SAMMSON: variants seen among roughly 807,000 people sequenced by gnomAD.
SAMMSON encodes the protein long intergenic non-protein coding RNA 1212.
At chr3:70,211,639 CCCTTTG>C (rs1417305745) in intron 4 of SAMMSON, among the ~76,000 whole-genome samples, 1 of 117,224 alleles carries the variant, frequency 8.5e-6, no homozygotes, top group African/African-American at 3.2e-5. Context: ...CCCTTCCCTT[CCCTTTG>C]CCTTTCCCTT....
At chr3:70,142,174 T>A (rs2067530186) in intron 4 of SAMMSON, among the ~76,000 whole-genome samples, 2 of 152,146 alleles carry the variant, frequency 1.3e-5, no homozygotes, top group East Asian at 3.8e-4. Context: ...GCTATCCCAC[T>A]GCTGGGTATC....
chr3:70,363,969 T>A (rs762430451), intron 9 of SAMMSON, among the ~76,000 whole-genome samples: 3 of 151,922 alleles, frequency 2.0e-5, no homozygotes, highest in Non-Finnish European at 4.4e-5. Flanking sequence ...TTAGTTGAGT[T>A]ATGGACTCTT....
intron 2 of SAMMSON, among the ~76,000 whole-genome samples, chr3:70,421,552 G>A (rs935302315): frequency 1.3e-5 from 2 of 152,000 alleles, no homozygotes; most frequent in African/African-American, 2.4e-5. Flanking sequence ...ATCAGAAATC[G>A]AGCTGTGGGG....
intron 3 of SAMMSON, among the ~76,000 whole-genome samples, chr3:70,017,902 G>T (rs1005500676): frequency 3.9e-5 from 6 of 152,210 alleles, no homozygotes; most frequent in Admixed American, 2.6e-4. Context: ...ATTTGCATAT[G>T]TTGAACCAGC....
intron 4 of SAMMSON, among the ~76,000 whole-genome samples, chr3:70,157,150 T>C (rs1255761805): frequency 6.6e-6 from 1 of 152,150 alleles, no homozygotes; most frequent in East Asian, 1.9e-4. Context: ...TAAAGGACTT[T>C]TACTTTTTCC....
intron 3 of SAMMSON, among the ~76,000 whole-genome samples, chr3:70,027,075 A>G (rs946569920): frequency 9.2e-5 from 14 of 151,912 alleles, no homozygotes; most frequent in Non-Finnish European, 1.3e-4. Context: ...TGCAGATCAC[A>G]CTCCTGTTCA....
intron 6 of SAMMSON, among the ~76,000 whole-genome samples, chr3:70,282,061 A>T (rs1702089752): frequency 1.3e-5 from 2 of 152,168 alleles, no homozygotes; most frequent in Non-Finnish European, 2.9e-5. Context: ...TATAAAGCCA[A>T]TCACTGAGAC....
intron 4 of SAMMSON, among the ~76,000 whole-genome samples, chr3:70,175,050 G>A (rs1176221876): frequency 1.3e-5 from 2 of 152,058 alleles, no homozygotes; most frequent in Non-Finnish European, 2.9e-5. Context: ...ATTGGCTTAA[G>A]TAATAAGAAA....
chr3:70,241,433 A>G (rs1701666672), intron 4 of SAMMSON, among the ~76,000 whole-genome samples: 1 of 152,190 alleles, frequency 6.6e-6, no homozygotes, highest in Non-Finnish European at 1.5e-5. Flanking sequence ...AAAAAAGTTT[A>G]TATCTCATTT....
intron 4 of SAMMSON, among the ~76,000 whole-genome samples, chr3:70,207,542 TCTC>T (rs2106725313): frequency 6.6e-6 from 1 of 152,098 alleles, no homozygotes; most frequent in East Asian, 1.9e-4. Context: ...GTATTTTACA[TCTC>T]CTATACAGTT....
intron 7 of SAMMSON, among the ~76,000 whole-genome samples, chr3:70,353,122 T>A (rs2106735859): frequency 6.6e-6 from 1 of 152,100 alleles, no homozygotes; most frequent in South Asian, 2.1e-4. Flanking sequence ...AGAATACCCA[T>A]TTAAAACTGG....
At chr3:70,290,529 C>T (rs972192861) in intron 6 of SAMMSON, among the ~76,000 whole-genome samples, 1 of 152,312 alleles carries the variant, frequency 6.6e-6, no homozygotes, top group African/African-American at 2.4e-5. Context: ...CTGTGCCCTG[C>T]CCCCAGAGGT....
chr3:70,354,365 G>A (rs1010672453), intron 8 of SAMMSON: 9 of 152,144 alleles, frequency 5.9e-5, no homozygotes, highest in Non-Finnish European at 1.2e-4. Context: ...TAGAAAAAAA[G>A]ATGAAAGATG....
chr3:70,085,277 T>C (rs751055894), intron 4 of SAMMSON, among the ~76,000 whole-genome samples: 14 of 152,214 alleles, frequency 9.2e-5, no homozygotes, highest in Non-Finnish European at 1.9e-4. Flanking sequence ...AATATCCTTC[T>C]TGTTGGTAAG....
At chr3:70,118,885 A>G (rs1287019105) in intron 4 of SAMMSON, among the ~76,000 whole-genome samples, 3 of 152,182 alleles carry the variant, frequency 2.0e-5, no homozygotes, top group African/African-American at 7.2e-5. Context: ...TCTGAAGCCT[A>G]TCCTATAATC....
chr3:70,222,960 T>C (rs950990825), intron 4 of SAMMSON, among the ~76,000 whole-genome samples: 1 of 152,220 alleles, frequency 6.6e-6, no homozygotes, highest in Non-Finnish European at 1.5e-5. Flanking sequence ...TATCATGACC[T>C]GGAGTGCTTG....
chr3:70,363,965 G>A (rs910304337), intron 9 of SAMMSON, among the ~76,000 whole-genome samples: 1 of 151,744 alleles, frequency 6.6e-6, no homozygotes, highest in African/African-American at 2.4e-5. Flanking sequence ...CTGTTTAGTT[G>A]AGTTATGGAC....
At chr3:70,115,132 G>T (rs1426662283) in intron 4 of SAMMSON, among the ~76,000 whole-genome samples, 1 of 147,850 alleles carries the variant, frequency 6.8e-6, no homozygotes, top group Non-Finnish European at 1.5e-5. Flanking sequence ...TAAGTGCCTG[G>T]TCTGAAAATT....
chr3:70,364,287 A>T (rs1702901619), intron 9 of SAMMSON, among the ~76,000 whole-genome samples: 1 of 151,826 alleles, frequency 6.6e-6, no homozygotes, highest in South Asian at 2.1e-4. Context: ...TGAGTTATTG[A>T]TTGTTCAAAA....
Sources: allele counts gnomAD v4.1 joint callset (sites outside exome capture counted in the v4.1 genomes callset), GRCh38; gene constraint gnomAD v4.1.1; transcripts MANE v1.5; gene names NCBI Gene and HGNC (gene_info 2026-07-23, HGNC 2026-07-21).